RAP1GAP2: variants seen among roughly 807,000 people sequenced by gnomAD.
The protein encoded by RAP1GAP2 is RAP1 GTPase activating protein 2.
A neutral mutation model predicts 95.0 loss-of-function variants in RAP1GAP2; 27 were observed. The observed-to-expected ratio is 0.28, with a 90% confidence interval of 0.21 to 0.39. RAP1GAP2 has a LOEUF of 0.39. Ranked by LOEUF, RAP1GAP2 falls within the 10% of genes least tolerant of loss-of-function variation. RAP1GAP2 has a pLI of 1.00. For synonymous variants in RAP1GAP2, 373 were observed against 380.9 expected (o/e 0.98, Z 0.24); for missense variants, 771 against 970.0 (o/e 0.79, Z 2.72).
At chr17:2,921,741 CCGTTAAGGTGT>C in intron 3 of RAP1GAP2, among the ~76,000 whole-genome samples, 1 of 151,840 alleles carries the variant, frequency 6.6e-6, no homozygotes, top group Non-Finnish European at 1.5e-5. Context: ...GTCAGCAGGA[CCGTTAAGGTGT>C]CCTTAAGGTG....
intron 1 of RAP1GAP2, among the ~76,000 whole-genome samples, chr17:2,791,165 A>G (rs2068914710): frequency 1.3e-5 from 2 of 152,180 alleles, no homozygotes; most frequent in African/African-American, 4.8e-5. Context: ...AGATAGTGCC[A>G]CTGCACTCCA....
chr17:2,872,127 T>TC, intron 2 of RAP1GAP2, among the ~76,000 whole-genome samples: 1 of 144,256 alleles, frequency 6.9e-6, no homozygotes, highest in Admixed American at 7.4e-5. Flanking sequence ...GGCAGGAGAA[T>TC]CGCTTGAACC....
At chr17:2,786,116 A>C (rs999721108) in intron 1 of RAP1GAP2, among the ~76,000 whole-genome samples, 3 of 151,882 alleles carry the variant, frequency 2.0e-5, no homozygotes, top group Non-Finnish European at 4.4e-5. Context: ...GGCCAGGCTG[A>C]TCTCGAACTC....
intron 3 of RAP1GAP2, among the ~76,000 whole-genome samples, chr17:2,932,222 C>T (rs1029114018): frequency 1.3e-5 from 2 of 152,112 alleles, no homozygotes; most frequent in South Asian, 4.1e-4. Flanking sequence ...CTGTGTTTTC[C>T]TCCTTCGCGC....
At chr17:2,789,034 G>A (rs1047572267) in intron 1 of RAP1GAP2, among the ~76,000 whole-genome samples, 6 of 152,094 alleles carry the variant, frequency 3.9e-5, no homozygotes, top group African/African-American at 7.2e-5. Context: ...TGGGACGCCC[G>A]TTTCCTTATA....
chr17:2,927,773 C>T (rs2043017016), intron 3 of RAP1GAP2, among the ~76,000 whole-genome samples: 1 of 152,222 alleles, frequency 6.6e-6, no homozygotes. Context: ...TCTCTACCTG[C>T]TTCCTAGAGG....
intron 3 of RAP1GAP2, among the ~76,000 whole-genome samples, chr17:2,937,504 C>T (rs145643750): frequency 1.2e-3 from 176 of 152,226 alleles, no homozygotes; most frequent in African/African-American, 3.3e-3. Flanking sequence ...GATTCACTGG[C>T]TCTGAGTAGG....
rs2044821001 is a variant in RAP1GAP2, at chr17:2,970,505, C to G, written c.596+4862C>G. On this transcript the variant is annotated intron_variant, in intron 8 of 24. Coordinates refer to ENST00000254695, the MANE Select transcript of RAP1GAP2 (RefSeq NM_015085.5). ...GGGCTGTGTAAATTCCAACTTTCAC[C>G]AGTAATGTATCAAAGTGCTTCTTAT... Among the ~76,000 whole-genome samples, 4 of 152,012 alleles carry G rather than the reference C, an allele frequency of 2.6e-5. No homozygotes were observed. The South Asian group carries it at 8.3e-4, about 32-fold the overall frequency.
intron 3 of RAP1GAP2, among the ~76,000 whole-genome samples, chr17:2,931,314 T>TGTGTGTGTGTGTGTGTGTG: frequency 9.1e-6 from 1 of 109,374 alleles, no homozygotes; most frequent in African/African-American, 4.7e-5. Context: ...GTGTGTGTGT[T>TGTGTGTGTGTGTGTGTGTG]GGGTGAACGT....
intron 2 of RAP1GAP2, among the ~76,000 whole-genome samples, chr17:2,859,956 T>G (rs1295319243): frequency 2.6e-5 from 4 of 151,300 alleles, no homozygotes; most frequent in Admixed American, 2.0e-4. Flanking sequence ...GGCAAGATCG[T>G]GCCATTAGTA....
intron 3 of RAP1GAP2, among the ~76,000 whole-genome samples, chr17:2,941,306 G>A (rs955497639): frequency 7.2e-5 from 11 of 152,190 alleles, no homozygotes; most frequent in Non-Finnish European, 1.3e-4. Flanking sequence ...GGAAGCTGAG[G>A]CAGGAGAATC....
chr17:2,812,879 A>G (rs941801803), intron 2 of RAP1GAP2, among the ~76,000 whole-genome samples: 2 of 151,068 alleles, frequency 1.3e-5, no homozygotes, highest in Admixed American at 6.6e-5. Context: ...AATCCTAGCT[A>G]CTCAGGAGGC....
intron 2 of RAP1GAP2, among the ~76,000 whole-genome samples, chr17:2,847,371 A>G (rs2071634159): frequency 6.6e-6 from 1 of 152,140 alleles, no homozygotes; most frequent in African/African-American, 2.4e-5. Flanking sequence ...AGCTAGGGTC[A>G]TTACAGTAAC....
chr17:2,834,591 G>A (rs1305781252), intron 2 of RAP1GAP2, among the ~76,000 whole-genome samples: 5 of 152,172 alleles, frequency 3.3e-5, no homozygotes, highest in Non-Finnish European at 7.4e-5. Flanking sequence ...GAGCCCAGGA[G>A]TTTAAGACCA....
Position 3,033,984 on chromosome 17 carries a change from C to T in RAP1GAP2, c.*623C>T, listed in dbSNP as rs545867724. On this transcript the variant is annotated 3_prime_UTR_variant, in exon 25 of 25. Coordinates refer to ENST00000254695, the MANE Select transcript of RAP1GAP2 (RefSeq NM_015085.5). The surrounding 1 kb of genome is among the most constrained non-coding windows in gnomAD (Gnocchi z 4.9). ...GCTGAACGCCTTTCCCATCTGCTGA[C>T]GTAGGCCCAGGGCTGCCCTGCCCCT... The T allele has an allele frequency of 6.5e-4, 99 of 152,684 alleles. No individual in the cohort carries two copies. Among genetic ancestry groups the T allele is most frequent in the Non-Finnish European group, 8.3e-4 (57 of 68,420 alleles). 9.5% of individuals were successfully genotyped at this position (152,684 alleles called of 1,614,324 possible).
rs938166709 is a variant in RAP1GAP2 at position 3,004,746 on chromosome 17, C to T, written c.1201-623C>T. ...CCCGAACACGGGTCCACCGGCTGCA[C>T]GAGAGTTTCCGGGGGGCCCTACCCT... is the stretch of plus-strand genomic sequence containing the variant. On this transcript the variant is annotated intron_variant, in intron 14 of 24. Coordinates refer to ENST00000254695, the MANE Select transcript of RAP1GAP2 (RefSeq NM_015085.5). The surrounding 1 kb of genome is among the most constrained non-coding windows in gnomAD (Gnocchi z 4.1). Among the ~76,000 whole-genome samples, 5 of 152,248 alleles carry T rather than the reference C, an allele frequency of 3.3e-5. No individual in the cohort carries two copies. Among genetic ancestry groups the T allele is most frequent in the East Asian group, 3.9e-4 (2 of 5,192 alleles).
At chr17:2,910,042 C>T (rs1200371039) in intron 3 of RAP1GAP2, among the ~76,000 whole-genome samples, 2 of 152,232 alleles carry the variant, frequency 1.3e-5, no homozygotes, top group African/African-American at 4.8e-5. Flanking sequence ...ACAATCCTCA[C>T]CTTACACCAG....
chr17:2,893,948 C>G lies in RAP1GAP2; in HGVS notation c.81-11336C>G, dbSNP rs900654145. Among the ~76,000 whole-genome samples, 3 of 152,352 alleles carry G rather than the reference C, an allele frequency of 2.0e-5. 1 individual carries two copies. The Middle Eastern group carries it at 0.01, about 518-fold the overall frequency. Reference sequence around the variant, plus strand: ...ATCCCAGCAGGCTGCCTTCTCACCTCTCCTTCCCTGCCCCTTGGAGGGCTC... The same window carrying G: ...ATCCCAGCAGGCTGCCTTCTCACCTGTCCTTCCCTGCCCCTTGGAGGGCTC... On this transcript the variant is annotated intron_variant, in intron 2 of 24. Transcript: ENST00000254695.
chr17:2,991,236 C>T (rs2045740853), intron 11 of RAP1GAP2, 61 bp from the exon 12 acceptor site: 26 of 1,352,830 alleles, frequency 1.9e-5, no homozygotes, highest in Non-Finnish European at 2.6e-5. Context: ...ATCCATATTC[C>T]TTCCTTTAGC....
Sources: allele counts gnomAD v4.1 joint callset (sites outside exome capture counted in the v4.1 genomes callset), GRCh38; gene constraint gnomAD v4.1.1; non-coding constraint Gnocchi (gnomAD v3.1); transcripts MANE v1.5; gene names NCBI Gene and HGNC (gene_info 2026-07-23, HGNC 2026-07-21).